KIAA0586: variants seen among roughly 807,000 people sequenced by gnomAD.
The protein encoded by KIAA0586 is protein TALPID3.
Under a neutral mutation model 169.8 loss-of-function variants are expected in KIAA0586, and 144 were observed. That is an observed-to-expected ratio of 0.85 (90% CI 0.74 to 0.97). The LOEUF is 0.97. Among genes scored for constraint, KIAA0586 ranks in the 50% least tolerant of loss-of-function variants. KIAA0586 has a pLI of 0.00. For missense variants in KIAA0586, 1,854 were observed against 1,823.0 expected (o/e 1.02, Z -0.31); for synonymous variants, 625 against 612.4 (o/e 1.02, Z -0.30).
At chr14:58,457,018 A>T (rs768616093) in intron 10 of KIAA0586, among the ~76,000 whole-genome samples, 1 of 152,220 alleles carries the variant, frequency 6.6e-6, no homozygotes, top group Non-Finnish European at 1.5e-5. Flanking sequence ...GGACTGAGCC[A>T]TATAGCCACC....
intron 30 of KIAA0586, among the ~76,000 whole-genome samples, chr14:58,543,206 G>T (rs984112480): frequency 1.3e-5 from 2 of 151,264 alleles, no homozygotes; most frequent in Non-Finnish European, 2.9e-5. Flanking sequence ...GAAAACTGGG[G>T]TTCAGAGAAG....
chr14:58,554,687 T>C (rs191223861), downstream of KIAA0586, among the ~76,000 whole-genome samples: 4 of 152,354 alleles, frequency 2.6e-5, no homozygotes, highest in African/African-American at 9.6e-5. Context: ...ATTTTCTCAG[T>C]AAAAGGCCAG....
At chr14:58,449,984 C>A (rs1162240675) in intron 7 of KIAA0586, among the ~76,000 whole-genome samples, 1 of 152,126 alleles carries the variant, frequency 6.6e-6, no homozygotes, top group East Asian at 1.9e-4. Context: ...TTTTATACAA[C>A]TTTTTTACTA....
chr14:58,558,542 A>G, the KIAA0586 span, among the ~76,000 whole-genome samples: 3 of 152,228 alleles, frequency 2.0e-5, no homozygotes, highest in South Asian at 6.2e-4. Flanking sequence ...ATTGAGAAAA[A>G]TATGAAGGTG....
At chr14:58,502,894 C>T (rs564665505) in intron 27 of KIAA0586, among the ~76,000 whole-genome samples, 76 of 152,172 alleles carry the variant, frequency 5.0e-4, no homozygotes, top group African/African-American at 1.6e-3. Context: ...TATTGCTTTT[C>T]GTCTTGATTT....
chr14:58,429,475 C>A, intron 2 of KIAA0586, 42 bp downstream of exon 2: 1 of 1,092,454 alleles, frequency 9.2e-7, no homozygotes, highest in South Asian at 1.3e-5. Context: ...TTAAAATTTT[C>A]AGTATTGTCA....
intron 15 of KIAA0586, 55 bp downstream of exon 15, chr14:58,466,084 G>A: frequency 3.0e-6 from 4 of 1,329,068 alleles, no homozygotes; most frequent in Non-Finnish European, 4.2e-6. Flanking sequence ...TTATTTGTTT[G>A]TTTGTGTGTT....
At chr14:58,476,811 G>T (rs1489464671) in intron 19 of KIAA0586, among the ~76,000 whole-genome samples, 2 of 151,660 alleles carry the variant, frequency 1.3e-5, no homozygotes, top group African/African-American at 4.8e-5. Flanking sequence ...GGGACTACAG[G>T]CACGTACCAC....
chr14:58,548,451 TG>T lies in KIAA0586; in HGVS notation c.*520del, dbSNP rs2047116031. On this transcript the variant is annotated 3_prime_UTR_variant, in exon 31 of 31. Transcript: ENST00000652326. Reference sequence around the variant, plus strand: ...GTGAAAAAAGCCATGTGCAAAATAGTGTGTGAACTATGCAGTTGTTGAAATT... The same window carrying T: ...GTGAAAAAAGCCATGTGCAAAATAGTTGTGAACTATGCAGTTGTTGAAATT... The T allele has an allele frequency of 6.6e-6, 1 of 152,226 alleles. No individual in the cohort carries two copies. Among genetic ancestry groups the T allele is most frequent in the African/African-American group, 2.4e-5 (1 of 41,442 alleles). 9.4% of individuals were successfully genotyped at this position (152,226 alleles called of 1,614,324 possible). A position where few individuals can be genotyped will look rare whatever the true frequency, so the allele number is the denominator to read the frequency against.
intron 27 of KIAA0586, among the ~76,000 whole-genome samples, chr14:58,505,384 T>A (rs1418028418): frequency 6.6e-6 from 1 of 152,202 alleles, no homozygotes; most frequent in East Asian, 1.9e-4. Context: ...TATTAACATG[T>A]CCCTGCACTA....
intron 29 of KIAA0586, among the ~76,000 whole-genome samples, chr14:58,522,812 G>A (rs1053874825): frequency 2.6e-5 from 4 of 152,078 alleles, no homozygotes; most frequent in South Asian, 2.1e-4. Flanking sequence ...AAAAATAAGC[G>A]TGGCAACAAG....
chr14:58,555,099 C>CTTTTTT (rs35845234), downstream of KIAA0586, among the ~76,000 whole-genome samples: 63 of 102,556 alleles, frequency 6.1e-4, no homozygotes, highest in Non-Finnish European at 7.4e-4. Flanking sequence ...TTCTTTCTTT[C>CTTTTTT]TTTTTTTTTT....
At chr14:58,457,425 A>G (rs2039959492) in intron 10 of KIAA0586, among the ~76,000 whole-genome samples, 1 of 151,890 alleles carries the variant, frequency 6.6e-6, no homozygotes, top group South Asian at 2.1e-4. Context: ...GTGCCACCAC[A>G]CCTGGCTAAT....
chr14:58,456,858 TA>T lies in KIAA0586; in HGVS notation c.1362+53del, dbSNP rs562243402. On this transcript the variant is annotated intron_variant, in intron 10 of 30. Transcript: ENST00000652326. Reference sequence around the variant, plus strand: ...ATTGATGATTAGTTAAGATAAAAATTAAAAAGGAATAAAAGAGTTATAAAGA... The same window carrying T: ...ATTGATGATTAGTTAAGATAAAAATTAAAAGGAATAAAAGAGTTATAAAGA... 776 of 965,338 alleles carry T rather than the reference TA, an allele frequency of 8.0e-4. 9 individuals are homozygous for T. The South Asian group carries it at 9.3e-3, about 12-fold the overall frequency. The allele number at this position is 965,338 out of a possible 1,614,324, so 59.8% of individuals were successfully genotyped here.
intron 4 of KIAA0586, chr14:58,439,924 A>G (rs750154692): frequency 6.5e-6 from 4 of 613,314 alleles, no homozygotes; most frequent in Non-Finnish European, 8.3e-6. Flanking sequence ...GTTTTCTTTG[A>G]GGCCAAATAC....
intron 13 of KIAA0586, among the ~76,000 whole-genome samples, chr14:58,460,719 T>C (rs1272353805): frequency 3.5e-4 from 53 of 152,154 alleles, no homozygotes; most frequent in Admixed American, 3.5e-3. Flanking sequence ...GTAAAATGTG[T>C]TTAAATGTTT....
At chr14:58,512,719 C>A in intron 29 of KIAA0586, 92 bp downstream of exon 29, 1 of 701,730 alleles carries the variant, frequency 1.4e-6, no homozygotes, top group Non-Finnish European at 2.3e-6. Context: ...ATACATCCCA[C>A]TGCTCTCTAG....
chr14:58,459,274 A>G (rs752633007), intron 12 of KIAA0586, among the ~76,000 whole-genome samples: 5 of 152,160 alleles, frequency 3.3e-5, no homozygotes, highest in Non-Finnish European at 7.4e-5. Context: ...TATATTTCTA[A>G]TGAAGTTATG....
intron 6 of KIAA0586, among the ~76,000 whole-genome samples, chr14:58,447,308 A>C (rs1365157207): frequency 6.6e-6 from 1 of 152,108 alleles, no homozygotes; most frequent in Non-Finnish European, 1.5e-5. Flanking sequence ...TACTCATTGC[A>C]TGCCTGTATC....
Sources: allele counts gnomAD v4.1 joint callset (sites outside exome capture counted in the v4.1 genomes callset), GRCh38; gene constraint gnomAD v4.1.1; transcripts MANE v1.5; gene names NCBI Gene and HGNC (gene_info 2026-07-23, HGNC 2026-07-21).